Variants in SGPP2 observed in about 807,000 individuals in gnomAD.
SGPP2 encodes sphingosine-1-phosphate phosphatase 2.
Under a neutral mutation model 33.9 loss-of-function variants are expected in SGPP2, and 30 were observed. That is an observed-to-expected ratio of 0.89 (90% CI 0.66 to 1.20). SGPP2 has a LOEUF of 1.20. Among genes scored for constraint, SGPP2 ranks in the 50% most tolerant of loss-of-function variants. SGPP2 has a pLI of 0.00. For missense variants in SGPP2, 458 were observed against 532.1 expected (o/e 0.86, Z 1.37); for synonymous variants, 233 against 225.0 (o/e 1.04, Z -0.32).
chr2:222,479,399 CTTTTT>C (rs568165167), intron 2 of SGPP2, among the ~76,000 whole-genome samples: 1 of 114,896 alleles, frequency 8.7e-6, no homozygotes, highest in Non-Finnish European at 1.7e-5. Flanking sequence ...ATCTACCCTT[CTTTTT>C]TTTTTTTTTT....
In SGPP2 at chr2:222,462,898, G is replaced by A. The variant is rs538699299; in HGVS notation, c.220-11670G>A. Among the ~76,000 whole-genome samples the A allele has an allele frequency of 7.2e-5, 11 of 152,244 alleles. No individual in the cohort carries two copies. In the East Asian group the frequency reaches 1.9e-3, roughly 27 times the overall value. On this transcript the variant is annotated intron_variant, in intron 1 of 4. Transcript: ENST00000321276. The stretch of plus-strand genomic sequence containing the variant: ...AGCAGGGTCGGAGGAGGTAGTCTGG[G>A]TGGGAAGGACCATTGTTCCCACCCA...
At chr2:222,538,483 T>G in intron 4 of SGPP2, among the ~76,000 whole-genome samples, 1 of 152,330 alleles carries the variant, frequency 6.6e-6, no homozygotes, top group South Asian at 2.1e-4. Context: ...TGTTGCATTT[T>G]ATACAGTGTT....
chr2:222,510,527 C>A (rs1284920483), intron 2 of SGPP2, among the ~76,000 whole-genome samples: 1 of 152,212 alleles, frequency 6.6e-6, no homozygotes, highest in African/African-American at 2.4e-5. Context: ...TCATATGCTC[C>A]TGTTAGTTAA....
At chr2:222,508,541 C>A (rs1470896107) in intron 2 of SGPP2, among the ~76,000 whole-genome samples, 1 of 152,140 alleles carries the variant, frequency 6.6e-6, no homozygotes, top group Non-Finnish European at 1.5e-5. Context: ...TTATTTAACC[C>A]AACTCCTTTC....
At chr2:222,520,654 T>A (rs1460161042) in intron 2 of SGPP2, among the ~76,000 whole-genome samples, 1 of 144,240 alleles carries the variant, frequency 6.9e-6, no homozygotes, top group East Asian at 2.1e-4. Flanking sequence ...TGCTTGAACC[T>A]GGGAGGCAGA....
intron 1 of SGPP2, among the ~76,000 whole-genome samples, chr2:222,433,442 T>C (rs937371398): frequency 1.3e-5 from 2 of 152,190 alleles, no homozygotes; most frequent in Non-Finnish European, 2.9e-5. Flanking sequence ...TAGTTGCGAA[T>C]GGTGGCTGGT....
intron 4 of SGPP2, among the ~76,000 whole-genome samples, chr2:222,546,203 G>A (rs144983826): frequency 5.3e-5 from 8 of 152,280 alleles, no homozygotes; most frequent in African/African-American, 1.9e-4. Flanking sequence ...CCTGACACCT[G>A]CATAAAATTA....
chr2:222,464,174 G>C (rs1403526700), intron 1 of SGPP2, among the ~76,000 whole-genome samples: 1 of 152,192 alleles, frequency 6.6e-6, no homozygotes, highest in Non-Finnish European at 1.5e-5. Flanking sequence ...ATGTGTTTCA[G>C]GTTTTAGCAG....
At chr2:222,501,138 C>A (rs971182524) in intron 2 of SGPP2, among the ~76,000 whole-genome samples, 1 of 152,114 alleles carries the variant, frequency 6.6e-6, no homozygotes, top group African/African-American at 2.4e-5. Context: ...AGAACAAGTG[C>A]ACAAGTGTGT....
chr2:222,562,309 A>C lies in SGPP2; in HGVS notation c.*3411A>C, dbSNP rs1003395825. On this transcript the variant is annotated 3_prime_UTR_variant, in exon 5 of 5. Coordinates refer to ENST00000321276, the MANE Select transcript of SGPP2 (RefSeq NM_152386.4). ...TCTCATTTCATGCCAGTTTTGCTCAAACCTGCACCGTCACAAGATATTCAG... is the reference window on the plus strand; with the variant it reads ...TCTCATTTCATGCCAGTTTTGCTCACACCTGCACCGTCACAAGATATTCAG... 6.6e-6 allele frequency among the ~76,000 whole-genome samples: 1 copy of C among 152,210 alleles called. No individual in the cohort carries two copies. The highest frequency in any genetic ancestry group is 1.5e-5 in the Non-Finnish European group (1 of 68,044).
At chr2:222,491,035 G>A (rs1698189064) in intron 2 of SGPP2, among the ~76,000 whole-genome samples, 1 of 152,112 alleles carries the variant, frequency 6.6e-6, no homozygotes, top group African/African-American at 2.4e-5. Context: ...TGATGTGATT[G>A]TACTCCAGTA....
At chr2:222,495,031 C>CAAACAAAAACAAAAACAA (rs145461047) in intron 2 of SGPP2, among the ~76,000 whole-genome samples, 1 of 151,630 alleles carries the variant, frequency 6.6e-6, no homozygotes, top group Admixed American at 6.6e-5. Flanking sequence ...GACTCTGTCT[C>CAAACAAAAACAAAAACAA]AAACAAAAAC....
In SGPP2 at chr2:222,530,615, T is replaced by G. The variant is rs545945550; in HGVS notation, c.648+5582T>G. Among the ~76,000 whole-genome samples, 11 of 152,352 alleles carry G rather than the reference T, an allele frequency of 7.2e-5. No homozygotes were observed. The South Asian group carries it at 2.3e-3, about 32-fold the overall frequency. On this transcript the variant is annotated intron_variant, in intron 4 of 4. Transcript: ENST00000321276. ...GAGCTAAAGAGAGTTAGGGTTTTGC[T>G]CTGGATTAGACTTTGGCTTAAGGGA...
At chr2:222,427,410 G>A (rs1476297303) in intron 1 of SGPP2, among the ~76,000 whole-genome samples, 1 of 152,080 alleles carries the variant, frequency 6.6e-6, no homozygotes, top group Non-Finnish European at 1.5e-5. Flanking sequence ...ACGGATGCAT[G>A]CCATCATCTG....
chr2:222,549,970 G>A (rs1381152827), intron 4 of SGPP2, among the ~76,000 whole-genome samples: 3 of 150,970 alleles, frequency 2.0e-5, no homozygotes, highest in East Asian at 3.9e-4. Context: ...TCCACCTCCC[G>A]GGTTCAAGCA....
intron 2 of SGPP2, among the ~76,000 whole-genome samples, chr2:222,514,654 A>T (rs1698578212): frequency 6.6e-6 from 1 of 152,198 alleles, no homozygotes; most frequent in Admixed American, 6.5e-5. Context: ...AACTCAGAGG[A>T]TTACAGATGG....
intron 2 of SGPP2, among the ~76,000 whole-genome samples, chr2:222,479,979 A>G (rs1243350831): frequency 6.6e-6 from 1 of 152,184 alleles, no homozygotes; most frequent in Non-Finnish European, 1.5e-5. Context: ...TTTGGGCTCA[A>G]AAGAATTTTA....
intron 1 of SGPP2, among the ~76,000 whole-genome samples, chr2:222,428,334 A>G (rs1262421930): frequency 6.6e-6 from 1 of 152,202 alleles, no homozygotes. Context: ...TGAGAATTTC[A>G]TTTATTTGTC....
rs1438934428 is a variant in SGPP2 at position 222,550,430 on chromosome 2, AG to A, written c.649-7916del. On this transcript the variant is annotated intron_variant, in intron 4 of 4. Coordinates refer to ENST00000321276, the MANE Select transcript of SGPP2 (RefSeq NM_152386.4). The surrounding 1 kb of genome is among the most constrained non-coding windows in gnomAD (Gnocchi z 4.5). ...GATCCTGGAGTATAGAGAAGATAAT[AG>A]TCATCTGTAATGTCACAACACAGAG... Among the ~76,000 whole-genome samples, 1 of 152,198 alleles carries A rather than the reference AG, an allele frequency of 6.6e-6. No homozygotes were observed. The highest frequency in any genetic ancestry group is 1.5e-5 in the Non-Finnish European group (1 of 68,030).
Sources: allele counts gnomAD v4.1 joint callset (sites outside exome capture counted in the v4.1 genomes callset), GRCh38; gene constraint gnomAD v4.1.1; non-coding constraint Gnocchi (gnomAD v3.1); transcripts MANE v1.5; gene names NCBI Gene and HGNC (gene_info 2026-07-23, HGNC 2026-07-21).